Variants in RBFOX1 observed in about 807,000 individuals in gnomAD.
RBFOX1 encodes RNA binding fox-1 homolog 1, also known as RNA binding protein fox-1 homolog 1.
RBFOX1 carries 8 observed loss-of-function variants against 57.7 expected under a neutral mutation model. That is an observed-to-expected ratio of 0.14 (90% CI 0.08 to 0.25). The LOEUF is 0.25. RBFOX1 is among the 10% of genes least tolerant of loss of function. RBFOX1 has a pLI of 1.00. For missense variants in RBFOX1, 611 were observed against 548.5 expected (o/e 1.11, Z -1.14); for synonymous variants, 326 against 222.4 (o/e 1.47, Z -4.15).
chr16:6,335,791 G>C (rs113570174), intron 2 of RBFOX1, among the ~76,000 whole-genome samples: 7 of 118,972 alleles, frequency 5.9e-5, no homozygotes, highest in Non-Finnish European at 1.2e-4. Context: ...AAAAAAAAAA[G>C]AAAAAAAAAA....
intron 2 of RBFOX1, among the ~76,000 whole-genome samples, chr16:6,439,133 G>A (rs1031683242): frequency 2.0e-5 from 3 of 152,150 alleles, no homozygotes; most frequent in Non-Finnish European, 4.4e-5. Context: ...GATCCCACTT[G>A]AGCATGCCGA....
chr16:5,428,161 C>T (rs989388718), intron 1 of RBFOX1, among the ~76,000 whole-genome samples: 2 of 151,592 alleles, frequency 1.3e-5, no homozygotes, highest in African/African-American at 4.9e-5. Flanking sequence ...TGTGTATGTG[C>T]ATACACACAA....
intron 3 of RBFOX1, among the ~76,000 whole-genome samples, chr16:6,778,470 C>G (rs1239598514): frequency 6.6e-6 from 1 of 152,122 alleles, no homozygotes; most frequent in East Asian, 1.9e-4. Flanking sequence ...GTATGTATCT[C>G]TAAATATAAT....
intron 4 of RBFOX1, among the ~76,000 whole-genome samples, chr16:5,877,694 C>T (rs572060158): frequency 7.9e-5 from 12 of 152,352 alleles, no homozygotes; most frequent in South Asian, 2.1e-4. Context: ...AGGGAGTGTG[C>T]CCAGAGTAGC....
At chr16:5,936,490 G>C (rs1424394276) in intron 4 of RBFOX1, among the ~76,000 whole-genome samples, 1 of 152,158 alleles carries the variant, frequency 6.6e-6, no homozygotes, top group Non-Finnish European at 1.5e-5. Context: ...AGTCCTGTGT[G>C]AGCCAAGTTA....
intron 4 of RBFOX1, among the ~76,000 whole-genome samples, chr16:7,107,474 C>T (rs2063815154): frequency 6.6e-6 from 1 of 152,124 alleles, no homozygotes; most frequent in African/African-American, 2.4e-5. Flanking sequence ...TTCTTAAACA[C>T]AGCTTTATTG....
chr16:7,253,862 C>G (rs544991643), intron 4 of RBFOX1, among the ~76,000 whole-genome samples: 1 of 152,122 alleles, frequency 6.6e-6, no homozygotes, highest in Admixed American at 6.5e-5. Flanking sequence ...TTGAGAAATG[C>G]ATATTGGAGG....
At chr16:6,872,131 C>G (rs551724377) in intron 3 of RBFOX1, among the ~76,000 whole-genome samples, 2 of 152,224 alleles carry the variant, frequency 1.3e-5, no homozygotes, top group African/African-American at 4.8e-5. Flanking sequence ...ATATGATACG[C>G]TTTCTTTTCC....
chr16:5,729,484 G>A (rs912847706), intron 3 of RBFOX1, among the ~76,000 whole-genome samples: 1 of 149,430 alleles, frequency 6.7e-6, no homozygotes, highest in African/African-American at 2.5e-5. Context: ...GCATTTAGGG[G>A]ATATAAATGT....
At chr16:5,843,018 G>A (rs763090430) in intron 3 of RBFOX1, among the ~76,000 whole-genome samples, 19 of 149,210 alleles carry the variant, frequency 1.3e-4, no homozygotes, top group African/African-American at 3.3e-4. Flanking sequence ...TAGTAGAGAC[G>A]GGGTTTCACC....
intron 1 of RBFOX1, among the ~76,000 whole-genome samples, chr16:6,284,298 T>A (rs1423895841): frequency 6.6e-6 from 1 of 152,062 alleles, no homozygotes; most frequent in Non-Finnish European, 1.5e-5. Context: ...AGCTCTGGGG[T>A]AGTTCAGAAA....
chr16:7,199,631 C>T lies in RBFOX1; in HGVS notation c.27+147533C>T, dbSNP rs185997750. On this transcript the variant is annotated intron_variant, in intron 4 of 15. Coordinates refer to ENST00000550418, the MANE Select transcript of RBFOX1 (RefSeq NM_018723.4). ...AAAGGCTGGGCAGTGCAGTAGCTCA[C>T]GCCTGTAATCCCAGCACTTTGGCAG... Among the ~76,000 whole-genome samples the T allele has an allele frequency of 1.1e-4, 16 of 152,292 alleles. No homozygotes were observed. In the East Asian group the frequency reaches 2.1e-3, roughly 20 times the overall value.
At chr16:5,296,728 G>T (rs1195537319) in intron 1 of RBFOX1, among the ~76,000 whole-genome samples, 1 of 151,120 alleles carries the variant, frequency 6.6e-6, no homozygotes, top group Non-Finnish European at 1.5e-5. Flanking sequence ...ATCCAGGCTG[G>T]AGTGCAGTGG....
chr16:6,208,047 T>C (rs11643015), intron 1 of RBFOX1, among the ~76,000 whole-genome samples: 62,774 of 151,788 alleles, frequency 0.41, 13,270 homozygotes, highest in East Asian at 0.71. Context: ...TATATGTGTA[T>C]ATATATGTGT....
intron 4 of RBFOX1, among the ~76,000 whole-genome samples, chr16:7,184,857 G>C (rs1182354678): frequency 6.6e-6 from 1 of 152,132 alleles, no homozygotes; most frequent in Non-Finnish European, 1.5e-5. Context: ...GTGTGTTGAA[G>C]TGTTACTAAC....
Position 7,645,151 on chromosome 16 carries a change from C to T in RBFOX1, c.758-8664C>T, listed in dbSNP as rs547659714. Among the ~76,000 whole-genome samples, 10 of 152,208 alleles carry T rather than the reference C, an allele frequency of 6.6e-5. 1 individual carries two copies. The highest frequency in any genetic ancestry group is 4.1e-4 in the South Asian group (2 of 4,820). On this transcript the variant is annotated intron_variant, in intron 11 of 15. Coordinates refer to ENST00000550418, the MANE Select transcript of RBFOX1 (RefSeq NM_018723.4). ...TCCAAGTTCACATTCTTGCCAATTC[C>T]TTCGATGCATCCCAATCAGACCTAT...
chr16:6,943,866 C>G (rs796559324), intron 3 of RBFOX1, among the ~76,000 whole-genome samples: 15 of 152,230 alleles, frequency 9.9e-5, no homozygotes, highest in African/African-American at 3.1e-4. Context: ...TTTTCTGTAC[C>G]TCACTGCTGA....
chr16:7,039,719 A>G (rs1029870321), intron 3 of RBFOX1, among the ~76,000 whole-genome samples: 2 of 152,166 alleles, frequency 1.3e-5, no homozygotes, highest in Non-Finnish European at 2.9e-5. Flanking sequence ...ACTTGCAAGA[A>G]GCAGTGGGTA....
At chr16:6,966,805 G>A (rs59279377) in intron 3 of RBFOX1, among the ~76,000 whole-genome samples, 11 of 149,906 alleles carry the variant, frequency 7.3e-5, no homozygotes, top group African/African-American at 2.7e-4. Flanking sequence ...CTGTCTGTCT[G>A]TCTGTCTGTC....
Sources: allele counts gnomAD v4.1 joint callset (sites outside exome capture counted in the v4.1 genomes callset), GRCh38; gene constraint gnomAD v4.1.1; transcripts MANE v1.5; gene names NCBI Gene and HGNC (gene_info 2026-07-23, HGNC 2026-07-21).